IL1RAPL1: variants seen among roughly 807,000 people sequenced by gnomAD.
IL1RAPL1 encodes interleukin-1 receptor accessory protein-like 1.
Under a neutral mutation model 48.4 loss-of-function variants are expected in IL1RAPL1, and 3 were observed. That is an observed-to-expected ratio of 0.06 (90% CI 0.03 to 0.16). The LOEUF (loss-of-function observed/expected upper bound fraction) is 0.16, where lower values mean the gene tolerates loss of function less well. IL1RAPL1 is among the 10% of genes least tolerant of loss of function. IL1RAPL1 has a pLI of 1.00. For synonymous variants in IL1RAPL1, 185 were observed against 187.7 expected (o/e 0.99, Z 0.12); for missense variants, 349 against 530.6 (o/e 0.66, Z 3.36).
At chrX:29,469,037 C>T (rs1292216646) in intron 5 of IL1RAPL1, among the ~76,000 whole-genome samples, 1 of 111,634 alleles carries the variant, frequency 9.0e-6, no homozygotes, top group African/African-American at 3.3e-5. Context: ...AAGATAATAA[C>T]GTCTGCCTCC....
At chrX:29,013,162 A>G (rs1321078191) in intron 2 of IL1RAPL1, among the ~76,000 whole-genome samples, 3 of 107,317 alleles carry the variant, frequency 2.8e-5, no homozygotes, top group Non-Finnish European at 5.8e-5. Context: ...ATGAGATACC[A>G]TCTCACACCA....
At chrX:29,640,018 T>G (rs1925116140) in intron 5 of IL1RAPL1, among the ~76,000 whole-genome samples, 1 of 111,545 alleles carries the variant, frequency 9.0e-6, no homozygotes, top group African/African-American at 3.3e-5. Flanking sequence ...TGAAAAGAAA[T>G]GAAGCTGAAG....
intron 6 of IL1RAPL1, among the ~76,000 whole-genome samples, chrX:29,867,323 T>G (rs1013752840): frequency 1.8e-5 from 2 of 111,786 alleles, no homozygotes; most frequent in Non-Finnish European, 3.8e-5. Context: ...GAATTCCTAT[T>G]TTGAAAATCC....
chrX:29,669,407 A>G (rs1328610205), intron 6 of IL1RAPL1, among the ~76,000 whole-genome samples: 2 of 111,682 alleles, frequency 1.8e-5, no homozygotes, highest in Non-Finnish European at 3.8e-5. Context: ...TGTACTGTAT[A>G]TAACTAAAAA....
At chrX:29,400,676 T>C (rs1414803799) in intron 5 of IL1RAPL1, among the ~76,000 whole-genome samples, 2 of 112,032 alleles carry the variant, frequency 1.8e-5, no homozygotes, top group Non-Finnish European at 3.8e-5. Flanking sequence ...GAAAAGTGTT[T>C]TGTGGTAGTC....
intron 2 of IL1RAPL1, among the ~76,000 whole-genome samples, chrX:29,261,206 T>C (rs1931853290): frequency 9.0e-6 from 1 of 110,510 alleles, no homozygotes; most frequent in Non-Finnish European, 1.9e-5. Flanking sequence ...CTGCAACACA[T>C]GCCACTGCAT....
At chrX:29,663,164 G>T (rs780336546) in intron 5 of IL1RAPL1, among the ~76,000 whole-genome samples, 1 of 112,167 alleles carries the variant, frequency 8.9e-6, no homozygotes, top group African/African-American at 3.2e-5. Context: ...TCATTCAGAG[G>T]TTGAAGCATT....
At chrX:28,778,767 T>C (rs748382433) in intron 1 of IL1RAPL1, among the ~76,000 whole-genome samples, 5 of 111,615 alleles carry the variant, frequency 4.5e-5, no homozygotes, top group African/African-American at 1.6e-4. Context: ...TCCCCAGTAA[T>C]TCCCAGTAAT....
Position 29,746,897 on chromosome X carries a change from T to A in IL1RAPL1, c.778+78393T>A, listed in dbSNP as rs141067234. ...TGCTGGAATTACAGGCGTGATCCGC[T>A]GCACCCAGCTGAAAGCTCATTCTTT... On this transcript the variant is annotated intron_variant, in intron 6 of 10. Transcript: ENST00000378993. 6.7e-3 allele frequency among the ~76,000 whole-genome samples: 754 copies of A among 112,452 alleles called. 9 individuals are homozygous for A. The highest frequency in any genetic ancestry group is 0.061 in the East Asian group (217 of 3,577).
chrX:29,228,332 A>AGTGTGTGTGT (rs1555978439), intron 2 of IL1RAPL1, among the ~76,000 whole-genome samples: 13 of 79,566 alleles, frequency 1.6e-4, no homozygotes, highest in Admixed American at 2.9e-4. Context: ...AGTTTTGCCT[A>AGTGTGTGTGT]GTGTGTGTGT....
chrX:29,415,391 C>T (rs896082402), intron 5 of IL1RAPL1, among the ~76,000 whole-genome samples: 1 of 110,378 alleles, frequency 9.1e-6, no homozygotes, highest in African/African-American at 3.3e-5. Flanking sequence ...TATGTATTTT[C>T]ATTGGATAGA....
At chrX:29,845,011 G>A (rs892525628) in intron 6 of IL1RAPL1, among the ~76,000 whole-genome samples, 2 of 112,072 alleles carry the variant, frequency 1.8e-5, no homozygotes, top group Non-Finnish European at 3.8e-5. Context: ...CCAGAAGCTA[G>A]GAGAGAGACA....
chrX:29,674,186 G>T (rs1194746792), intron 6 of IL1RAPL1, among the ~76,000 whole-genome samples: 1 of 111,960 alleles, frequency 8.9e-6, no homozygotes, highest in East Asian at 2.8e-4. Flanking sequence ...CAGCACTTTG[G>T]GAGGCTGAGG....
At chrX:29,089,900 G>A (rs1279054710) in intron 2 of IL1RAPL1, among the ~76,000 whole-genome samples, 1 of 102,691 alleles carries the variant, frequency 9.7e-6, no homozygotes, top group East Asian at 3.1e-4. Flanking sequence ...TCTGATTCAG[G>A]TCAGCATGCT....
At chrX:29,130,996 A>G (rs1929008923) in intron 2 of IL1RAPL1, among the ~76,000 whole-genome samples, 1 of 111,905 alleles carries the variant, frequency 8.9e-6, no homozygotes, top group Admixed American at 9.5e-5. Context: ...AGTCTGTGAT[A>G]ATTAAGAGCA....
chrX:28,959,117 A>G (rs753164272), intron 2 of IL1RAPL1, among the ~76,000 whole-genome samples: 1 of 111,807 alleles, frequency 8.9e-6, no homozygotes, highest in Non-Finnish European at 1.9e-5. Context: ...AAATAATTAA[A>G]GAAAATTACT....
chrX:29,802,791 G>GTATATATATATA (rs1195101220), intron 6 of IL1RAPL1, among the ~76,000 whole-genome samples: 1 of 34,102 alleles, frequency 2.9e-5, no homozygotes, highest in South Asian at 1.3e-3. Flanking sequence ...ATGTGTGTGT[G>GTATATATATATA]TATATATATA....
intron 1 of IL1RAPL1, among the ~76,000 whole-genome samples, chrX:28,753,910 A>AGGAG (rs1186027829): frequency 9.7e-6 from 1 of 103,573 alleles, no homozygotes; most frequent in South Asian, 4.0e-4. Flanking sequence ...GAGGGAAGGA[A>AGGAG]GGAGGGAGGG....
chrX:29,697,103 G>T (rs921493646), intron 6 of IL1RAPL1, among the ~76,000 whole-genome samples: 8 of 110,984 alleles, frequency 7.2e-5, no homozygotes, highest in Non-Finnish European at 1.3e-4. Flanking sequence ...TTAACTATCC[G>T]CCTCTTTCCA....
Sources: gnomAD v4.1 joint callset for allele counts (sites outside exome capture counted in the v4.1 genomes callset) on GRCh38, gnomAD v4.1.1 for gene constraint, MANE v1.5 for transcripts, NCBI Gene and HGNC (gene_info 2026-07-23, HGNC 2026-07-21) for gene names.